The following CHCHD6 variants were observed in gnomAD, a reference collection of about 807,000 sequenced individuals.
CHCHD6 encodes the protein MICOS complex subunit MIC25.
A neutral mutation model predicts 32.3 loss-of-function variants in CHCHD6; 28 were observed. The ratio of observed to expected loss-of-function variants is 0.87; its 90% CI spans 0.64 to 1.19. The LOEUF (loss-of-function observed/expected upper bound fraction) is 1.19. CHCHD6 is among the 50% of genes most tolerant of loss of function. The pLI is 0.00. For missense variants in CHCHD6, 333 were observed against 307.0 expected, an observed-to-expected ratio of 1.08 and a Z score of -0.63; for synonymous variants, 122 against 117.5, an observed-to-expected ratio of 1.04 and a Z score of -0.25.
At chr3:126,815,658 T>A (rs1939863967) in intron 4 of CHCHD6, among the ~76,000 whole-genome samples, 2 of 76,436 alleles carry the variant, frequency 2.6e-5, no homozygotes, top group Admixed American at 2.7e-4. Flanking sequence ...CCCCCCCCCA[T>A]CTGTGTCCAC....
Position 126,947,845 on chromosome 3 carries a change from C to T in CHCHD6, c.567-9571C>T, listed in dbSNP as rs140117455. ...AGCACCTGGCAGCAGCTTTAGGAAC[C>T]GGCTCATAAGCTACGGCTCCTCCCC... On this transcript the variant is annotated intron_variant, in intron 6 of 7. Coordinates refer to ENST00000290913, the MANE Select transcript of CHCHD6 (RefSeq NM_032343.3). 2.1e-3 allele frequency among the ~76,000 whole-genome samples: 322 copies of T among 152,288 alleles called. 1 individual carries two copies. Among genetic ancestry groups the T allele is most frequent in the Middle Eastern group, 0.01 (3 of 294 alleles).
chr3:126,868,882 C>T (rs2077426011), intron 5 of CHCHD6, among the ~76,000 whole-genome samples: 1 of 152,072 alleles, frequency 6.6e-6, no homozygotes, highest in South Asian at 2.1e-4. Flanking sequence ...GGCTGTAGAC[C>T]CTGCACATCA....
intron 5 of CHCHD6, among the ~76,000 whole-genome samples, chr3:126,875,787 G>T (rs1199421502): frequency 6.6e-6 from 1 of 152,118 alleles, no homozygotes; most frequent in Non-Finnish European, 1.5e-5. Flanking sequence ...CTGTATTTTT[G>T]TTTTTTCTTA....
At chr3:126,749,794 C>T (rs186267261) in intron 4 of CHCHD6, among the ~76,000 whole-genome samples, 2 of 152,134 alleles carry the variant, frequency 1.3e-5, no homozygotes, top group Non-Finnish European at 2.9e-5. Context: ...CTGGACATAC[C>T]CTGTTGGCCA....
rs534338083 is a variant in CHCHD6 at position 126,815,010 on chromosome 3, T to C, written c.412-37637T>C. Reference sequence around the variant, plus strand: ...GTAGAATTAATTGTTTGTTTACTGATGGGGAGAAATCCCTATATATTTTGG... The same window carrying C: ...GTAGAATTAATTGTTTGTTTACTGACGGGGAGAAATCCCTATATATTTTGG... On this transcript the variant is annotated intron_variant, in intron 4 of 7. Transcript: ENST00000290913. Among the ~76,000 whole-genome samples, 5 of 152,354 alleles carry C rather than the reference T, an allele frequency of 3.3e-5. No individual in the cohort carries two copies. The South Asian group carries it at 1.0e-3, about 32-fold the overall frequency.
intron 6 of CHCHD6, among the ~76,000 whole-genome samples, chr3:126,934,506 G>A (rs950164843): frequency 6.7e-6 from 1 of 148,506 alleles, no homozygotes; most frequent in African/African-American, 2.5e-5. Flanking sequence ...CAGGGCTGGG[G>A]AACACTTGGA....
chr3:126,871,393 A>C (rs768994431), intron 5 of CHCHD6, among the ~76,000 whole-genome samples: 1 of 151,568 alleles, frequency 6.6e-6, no homozygotes, highest in Non-Finnish European at 1.5e-5. Context: ...CCCTTCCTGT[A>C]CTCTGTTAGG....
intron 4 of CHCHD6, among the ~76,000 whole-genome samples, chr3:126,741,838 TC>T (rs1359999061): frequency 2.0e-5 from 3 of 152,170 alleles, no homozygotes; most frequent in African/African-American, 7.2e-5. Flanking sequence ...TGTGAAGTGT[TC>T]CTGCCAGGGA....
intron 4 of CHCHD6, among the ~76,000 whole-genome samples, chr3:126,847,504 A>G (rs1941331978): frequency 6.6e-6 from 1 of 152,176 alleles, no homozygotes; most frequent in Non-Finnish European, 1.5e-5. Context: ...ACTGTCTTTT[A>G]AAACTAAATC....
chr3:126,830,824 C>A (rs578180370), intron 4 of CHCHD6, among the ~76,000 whole-genome samples: 2 of 152,314 alleles, frequency 1.3e-5, no homozygotes, highest in East Asian at 3.9e-4. Context: ...CATCCAGATC[C>A]CTGACCGGAT....
chr3:126,732,209 T>C (rs1226839189), intron 3 of CHCHD6, among the ~76,000 whole-genome samples: 1 of 152,050 alleles, frequency 6.6e-6, no homozygotes, highest in Non-Finnish European at 1.5e-5. Context: ...ATATACAAAG[T>C]GAAAAAATCA....
At chr3:126,919,615 G>A (rs2078217892) in intron 6 of CHCHD6, among the ~76,000 whole-genome samples, 1 of 135,066 alleles carries the variant, frequency 7.4e-6, no homozygotes, top group Non-Finnish European at 1.6e-5. Context: ...CATCTGGCTG[G>A]CCTTCATTTT....
At chr3:126,731,801 G>A (rs1277827095) in intron 3 of CHCHD6, among the ~76,000 whole-genome samples, 1 of 152,164 alleles carries the variant, frequency 6.6e-6, no homozygotes, top group East Asian at 1.9e-4. Context: ...CTGGCCAGGT[G>A]TGGTGGCTCA....
At chr3:126,739,531 C>T (rs983442150) in intron 4 of CHCHD6, among the ~76,000 whole-genome samples, 6 of 152,134 alleles carry the variant, frequency 3.9e-5, no homozygotes, top group Non-Finnish European at 7.3e-5. Context: ...AAGAAACTAG[C>T]GGGTGGGAGC....
chr3:126,920,091 TCTC>T (rs2078225107), intron 6 of CHCHD6, among the ~76,000 whole-genome samples: 1 of 152,252 alleles, frequency 6.6e-6, no homozygotes, highest in African/African-American at 2.4e-5. Flanking sequence ...TAGTTGGAGT[TCTC>T]CTTATTAGTC....
intron 1 of CHCHD6, among the ~76,000 whole-genome samples, chr3:126,724,266 C>T (rs980076268): frequency 6.6e-6 from 1 of 152,166 alleles, no homozygotes; most frequent in African/African-American, 2.4e-5. Flanking sequence ...AAAGGTGATA[C>T]TGGCACACCT....
intron 5 of CHCHD6, among the ~76,000 whole-genome samples, chr3:126,900,981 G>C (rs1198199345): frequency 6.6e-6 from 1 of 152,080 alleles, no homozygotes; most frequent in African/African-American, 2.4e-5. Context: ...AGCCATTCAT[G>C]GGGGATCCGC....
intron 4 of CHCHD6, among the ~76,000 whole-genome samples, chr3:126,773,452 G>A (rs1446704410): frequency 6.6e-6 from 1 of 152,214 alleles, no homozygotes; most frequent in Non-Finnish European, 1.5e-5. Flanking sequence ...AGCCATGACA[G>A]CGATAGGGCA....
At chr3:126,815,426 G>A (rs987732256) in intron 4 of CHCHD6, among the ~76,000 whole-genome samples, 6 of 152,156 alleles carry the variant, frequency 3.9e-5, no homozygotes, top group South Asian at 2.1e-4. Flanking sequence ...TCTGCCAGGC[G>A]TGCTCTCCTA....
Sources: allele counts gnomAD v4.1 joint callset (sites outside exome capture counted in the v4.1 genomes callset), GRCh38; gene constraint gnomAD v4.1.1; transcripts MANE v1.5; gene names NCBI Gene and HGNC (gene_info 2026-07-23, HGNC 2026-07-21).